Variants in FAM204A observed in about 807,000 individuals in gnomAD.
FAM204A encodes the protein family with sequence similarity 204 member A, also known as protein FAM204A.
FAM204A carries 16 observed loss-of-function variants against 35.4 expected under a neutral mutation model. That is an observed-to-expected ratio of 0.45 (90% CI 0.31 to 0.69). The LOEUF is 0.69. Ranked by LOEUF, FAM204A falls within the 30% of genes least tolerant of loss-of-function variation. FAM204A has a pLI of 0.07. For missense variants in FAM204A, 240 were observed against 265.7 expected (o/e 0.90, Z 0.67); for synonymous variants, 76 against 86.9 (o/e 0.88, Z 0.70).
intron 2 of FAM204A, among the ~76,000 whole-genome samples, chr10:118,341,023 A>G (rs1846471014): frequency 6.6e-6 from 1 of 152,178 alleles, no homozygotes; most frequent in Non-Finnish European, 1.5e-5. Flanking sequence ...TTGGTTAAGA[A>G]TTTTTTTCTG....
At chr10:118,322,236 C>A in intron 7 of FAM204A, 1 of 424,822 alleles carries the variant, frequency 2.4e-6, no homozygotes, top group Non-Finnish European at 4.8e-6. Flanking sequence ...TCCTAACTCC[C>A]CACAAGACAC....
At chr10:118,318,553 C>T (rs236191) in intron 7 of FAM204A, among the ~76,000 whole-genome samples, 2,301 of 152,134 alleles carry the variant, frequency 0.015, 24 homozygotes, top group South Asian at 0.068. Context: ...TGCAACCTTT[C>T]CGCAGGGTCA....
At position 118,308,577 on chromosome 10, in the gene FAM204A, A is replaced by G. The variant is rs1373812385; in HGVS notation, c.*2280T>C. 6.6e-6 allele frequency: 1 copy of G among 152,206 alleles called. No individual in the cohort carries two copies. The highest frequency in any genetic ancestry group is 1.5e-5 in the Non-Finnish European group (1 of 68,056). 9.4% of individuals were successfully genotyped at this position (152,206 alleles called of 1,614,324 possible). A position where few individuals can be genotyped will look rare whatever the true frequency, so the allele number is the denominator to read the frequency against. On this transcript the variant is annotated 3_prime_UTR_variant, in exon 9 of 9. Transcript: ENST00000369183. ...TACACATAACGTTTTAGAGCTTTCC[A>G]CAACCCATGCCCAGAAAGGAGTGAC... is the stretch of plus-strand genomic sequence containing the variant.
intron 8 of FAM204A, 115 bp downstream of exon 8, chr10:118,311,091 CG>C: frequency 1.8e-6 from 2 of 1,099,540 alleles, no homozygotes; most frequent in Non-Finnish European, 2.7e-6. Context: ...AAACATTCAA[CG>C]AAGAAAAAAA....
intron 2 of FAM204A, 122 bp from the exon 3 acceptor site, chr10:118,336,545 T>G: frequency 2.4e-6 from 1 of 411,618 alleles, no homozygotes; most frequent in South Asian, 7.0e-5. Context: ...CCATCTAAAC[T>G]TTTTTTTTTT....
chr10:118,324,204 A>C (rs561293537), intron 7 of FAM204A, among the ~76,000 whole-genome samples: 1 of 152,300 alleles, frequency 6.6e-6, no homozygotes, highest in Non-Finnish European at 1.5e-5. Flanking sequence ...ACAGAGTAAT[A>C]GTCAAACTGC....
Position 118,310,528 on chromosome 10 carries a change from C to A in FAM204A, c.*329G>T. The A allele has an allele frequency of 4.4e-6, 1 of 224,788 alleles. No homozygotes were observed. The highest frequency in any genetic ancestry group is 9.6e-5 in the South Asian group (1 of 10,396). The allele number at this position is 224,788 out of a possible 1,614,324, so 13.9% of individuals were successfully genotyped here. A position where few individuals can be genotyped will look rare whatever the true frequency, so the allele number is the denominator to read the frequency against. ...AAAGAAAGAAAGTACGAGAAGCTCA[C>A]TGGCTGTGCTAAACCAAATGAATGG... On this transcript the variant is annotated 3_prime_UTR_variant, in exon 9 of 9. Coordinates refer to ENST00000369183, the MANE Select transcript of FAM204A (RefSeq NM_022063.3).
chr10:118,302,568 CT>C lies in FAM204A; in HGVS notation c.*8288del, dbSNP rs1845819436. ...AAGCCCTCCACCATCGGGAATGGAA[CT>C]TTTATGTACATGGACTTTGGATTTT... On this transcript the variant is annotated 3_prime_UTR_variant, in exon 9 of 9. Coordinates refer to ENST00000369183, the MANE Select transcript of FAM204A (RefSeq NM_022063.3). 1 of 152,200 alleles carries C rather than the reference CT, an allele frequency of 6.6e-6. No homozygotes were observed. The highest frequency in any genetic ancestry group is 1.5e-5 in the Non-Finnish European group (1 of 68,034). The allele number at this position is 152,200 out of a possible 1,614,324, so 9.4% of individuals were successfully genotyped here. A position where few individuals can be genotyped will look rare whatever the true frequency, so the allele number is the denominator to read the frequency against.
Position 118,320,127 on chromosome 10 carries a change from G to C in FAM204A, c.543+6027C>G, listed in dbSNP as rs553314308. 2.8e-4 allele frequency among the ~76,000 whole-genome samples: 42 copies of C among 151,972 alleles called. 1 individual carries two copies. Among genetic ancestry groups the C allele is most frequent in the Non-Finnish European group, 4.7e-4 (32 of 67,864 alleles). ...TAGCAGGCTAACATGAAGATGCCTA[G>C]AGAGAAATCCCCTTTTATGTGAGGT... On this transcript the variant is annotated intron_variant, in intron 7 of 8. Transcript: ENST00000369183.
Position 118,310,791 on chromosome 10 carries a change from G to T in FAM204A, c.*66C>A. The T allele has an allele frequency of 7.5e-7, 1 of 1,329,014 alleles. No homozygotes were observed. Among genetic ancestry groups the T allele is most frequent in the South Asian group, 1.3e-5 (1 of 78,370 alleles). The allele number at this position is 1,329,014 out of a possible 1,614,324, so 82.3% of individuals were successfully genotyped here. On this transcript the variant is annotated 3_prime_UTR_variant, in exon 9 of 9. Coordinates refer to ENST00000369183, the MANE Select transcript of FAM204A (RefSeq NM_022063.3). ...ATCAATTTTCTGACATATTAACATAGGCAGGAAAACATTCTCAGTAAATTG... is the reference window on the plus strand; with the variant it reads ...ATCAATTTTCTGACATATTAACATATGCAGGAAAACATTCTCAGTAAATTG...
Position 118,298,610 on chromosome 10 carries a change from G to C in FAM204A, c.*12247C>G, listed in dbSNP as rs571612108. On this transcript the variant is annotated 3_prime_UTR_variant, in exon 9 of 9. Transcript: ENST00000369183. Reference sequence around the variant, plus strand: ...CCACTCTTTGCCGATAGAGAAACTTGCTTCAGGACAAGATCTAGCTTGGAG... The same window carrying C: ...CCACTCTTTGCCGATAGAGAAACTTCCTTCAGGACAAGATCTAGCTTGGAG... The C allele has an allele frequency of 6.6e-6, 1 of 152,328 alleles. No homozygotes were observed. Among genetic ancestry groups the C allele is most frequent in the East Asian group, 1.9e-4 (1 of 5,184 alleles). 9.4% of individuals were successfully genotyped at this position (152,328 alleles called of 1,614,324 possible). A position where few individuals can be genotyped will look rare whatever the true frequency, so the allele number is the denominator to read the frequency against.
At chr10:118,334,673 G>A (rs1201339279) in intron 6 of FAM204A, among the ~76,000 whole-genome samples, 1 of 152,160 alleles carries the variant, frequency 6.6e-6, no homozygotes, top group East Asian at 1.9e-4. Flanking sequence ...GTCACTGACT[G>A]CCTGCCTCTG....
At chr10:118,335,979 C>A in intron 3 of FAM204A, 1 of 590,210 alleles carries the variant, frequency 1.7e-6, no homozygotes, top group Non-Finnish European at 2.8e-6. Context: ...TTTTTTTCCC[C>A]CTCCGTCTTT....
intron 3 of FAM204A, 134 bp downstream of exon 3, chr10:118,336,048 A>C (rs976497568): frequency 2.3e-5 from 24 of 1,028,906 alleles, no homozygotes; most frequent in Non-Finnish European, 3.2e-5. Context: ...CTCAGAGAAC[A>C]GTAAAAGCAT....
intron 6 of FAM204A, among the ~76,000 whole-genome samples, chr10:118,333,225 T>C (rs1463555708): frequency 6.6e-6 from 1 of 152,192 alleles, no homozygotes; most frequent in Non-Finnish European, 1.5e-5. Context: ...AGAAGTTTGT[T>C]TTGTTTTACC....
chr10:118,335,524 C>G (rs753394196), intron 4 of FAM204A, 30 bp downstream of exon 4: 3 of 1,597,134 alleles, frequency 1.9e-6, no homozygotes, highest in Non-Finnish European at 2.6e-6. Context: ...AGCATTAGCA[C>G]GACGAACAAC....
intron 7 of FAM204A, among the ~76,000 whole-genome samples, chr10:118,317,703 C>T (rs1846053266): frequency 1.3e-5 from 2 of 152,024 alleles, no homozygotes. Flanking sequence ...CCCTCTCTTA[C>T]TTGGGAAGTC....
At chr10:118,333,522 G>A (rs1162292529) in intron 6 of FAM204A, among the ~76,000 whole-genome samples, 1 of 152,204 alleles carries the variant, frequency 6.6e-6, no homozygotes, top group Non-Finnish European at 1.5e-5. Context: ...AGCCAAAGGA[G>A]TACCATTTAA....
chr10:118,312,721 G>T (rs187174309), intron 7 of FAM204A, among the ~76,000 whole-genome samples: 1 of 152,226 alleles, frequency 6.6e-6, no homozygotes. Context: ...GACCAACCTC[G>T]GTGTGTTCCC....
Sources: gnomAD v4.1 joint callset for allele counts (sites outside exome capture counted in the v4.1 genomes callset) on GRCh38, gnomAD v4.1.1 for gene constraint, MANE v1.5 for transcripts, NCBI Gene and HGNC (gene_info 2026-07-23, HGNC 2026-07-21) for gene names.